Variants in PXDN observed in about 807,000 individuals in gnomAD.
PXDN encodes peroxidasin.
Under a neutral mutation model 140.3 loss-of-function variants are expected in PXDN, and 77 were observed. The observed-to-expected ratio is 0.55, with a 90% CI of 0.46 to 0.66. PXDN has a LOEUF of 0.66. PXDN is among the 30% of genes least tolerant of loss of function. PXDN has a pLI of 0.00. For synonymous variants in PXDN, 911 were observed against 857.4 expected (o/e 1.06, Z -1.09); for missense variants, 1,838 against 2,039.5 (o/e 0.90, Z 1.90).
chr2:1,731,178 AC>A (rs1166428046), intron 1 of PXDN, among the ~76,000 whole-genome samples: 50 of 151,882 alleles, frequency 3.3e-4, no homozygotes, highest in East Asian at 1.4e-3. Context: ...ACACACACAC[AC>A]ATGAACTAGT....
At chr2:1,636,010 A>C in intron 21 of PXDN, 2 of 248,002 alleles carry the variant, frequency 8.1e-6, no homozygotes, top group South Asian at 1.0e-4. Context: ...CCTTCCTCAA[A>C]CCCTCTCTTG....
chr2:1,729,707 G>C (rs1685269542), intron 1 of PXDN, among the ~76,000 whole-genome samples: 1 of 151,986 alleles, frequency 6.6e-6, no homozygotes, highest in Non-Finnish European at 1.5e-5. Flanking sequence ...AAAATCTACT[G>C]AAATTTTTTT....
intron 1 of PXDN, among the ~76,000 whole-genome samples, chr2:1,733,104 A>G (rs1038782062): frequency 6.6e-6 from 1 of 152,208 alleles, no homozygotes; most frequent in Non-Finnish European, 1.5e-5. Flanking sequence ...GCTGTGGCCT[A>G]ATACACGTAT....
In PXDN at chr2:1,666,483, C is replaced by T. The variant is rs375244290; in HGVS notation, c.1022G>A (p.Arg341Gln). Residue 341 changes from arginine to glutamine, a missense_variant, in exon 10 of 23, where the codon CGA (arginine) becomes CAA (glutamine). Transcript: ENST00000252804. ...CTGTGGCTGGATTACAAAAGTGGGT[C>T]GAGCTGTCACAATTAAACAGAAATT... ...VTLRYFGSPA[R>Q]PTFVIQPQNT... is the part of the protein sequence containing the mutation. 19 of 1,588,814 alleles carry T rather than the reference C, an allele frequency of 1.2e-5. No homozygotes were observed. Among genetic ancestry groups the T allele is most frequent in the Middle Eastern group, 1.7e-4 (1 of 5,894 alleles).
intron 7 of PXDN, 103 bp from the exon 8 acceptor site, chr2:1,677,147 T>C: frequency 9.7e-7 from 1 of 1,029,816 alleles, no homozygotes; most frequent in Non-Finnish European, 1.4e-6. Flanking sequence ...AAACCACAGA[T>C]GCCCAAAGGT....
Position 1,639,263 on chromosome 2 carries a change from G to A in PXDN, c.4073+39C>T. ...ACTGCCCGACGCCCGCGGTGCGAGGGCCCCTCTGCACATCATTTGACCTCA... is the reference window on the plus strand; with the variant it reads ...ACTGCCCGACGCCCGCGGTGCGAGGACCCCTCTGCACATCATTTGACCTCA... On this transcript the variant is annotated intron_variant, in intron 20 of 22. Transcript: ENST00000252804. The surrounding 1 kb of genome is among the most constrained non-coding windows in gnomAD (Gnocchi z 5.0). 1 of 1,593,342 alleles carries A rather than the reference G, an allele frequency of 6.3e-7. No homozygotes were observed. The highest frequency in any genetic ancestry group is 8.6e-7 in the Non-Finnish European group (1 of 1,169,580).
At position 1,687,300 on chromosome 2, in the gene PXDN, C is replaced by T. The variant is rs186858335; in HGVS notation, c.416+332G>A. On this transcript the variant is annotated intron_variant, in intron 4 of 22. Coordinates refer to ENST00000252804, the MANE Select transcript of PXDN (RefSeq NM_012293.3). The surrounding 1 kb of genome is among the most constrained non-coding windows in gnomAD (Gnocchi z 4.0). ...GAAGGATGCCTTGATCGGACTTGGGCGCCTGCCTGTCTCTCCTCTAAGTTG... is the reference window on the plus strand; with the variant it reads ...GAAGGATGCCTTGATCGGACTTGGGTGCCTGCCTGTCTCTCCTCTAAGTTG... Among the ~76,000 whole-genome samples, 121 of 152,300 alleles carry T rather than the reference C, an allele frequency of 7.9e-4. 3 individuals are homozygous for T. The East Asian group carries it at 0.02, about 25-fold the overall frequency.
intron 9 of PXDN, among the ~76,000 whole-genome samples, chr2:1,669,000 G>A (rs140566713): frequency 2.0e-5 from 3 of 152,168 alleles, no homozygotes; most frequent in Admixed American, 1.3e-4. Flanking sequence ...ACATGCACAC[G>A]TTATGTTTAT....
At chr2:1,676,756 C>A (rs2125437313) in intron 8 of PXDN, among the ~76,000 whole-genome samples, 171 bp downstream of exon 8, 1 of 152,364 alleles carries the variant, frequency 6.6e-6, no homozygotes, top group Admixed American at 6.5e-5. Flanking sequence ...TCGTCACACC[C>A]CCTGCCATGT....
At position 1,684,063 on chromosome 2, in the gene PXDN, A is replaced by C; in HGVS notation, c.488+17T>G. 6.4e-7 allele frequency: 1 copy of C among 1,566,800 alleles called. No individual in the cohort carries two copies. Among genetic ancestry groups the C allele is most frequent in the Non-Finnish European group, 8.7e-7 (1 of 1,153,864 alleles). ...GGGCTCTGTGAATGGAAAGGCAAGG[A>C]ACAACACACAACTCACAGCCTCTCG... On this transcript the variant is annotated intron_variant, in intron 5 of 22. Coordinates refer to ENST00000252804, the MANE Select transcript of PXDN (RefSeq NM_012293.3).
chr2:1,667,019 T>C lies in PXDN; in HGVS notation c.1019-533A>G, dbSNP rs141981502. Among the ~76,000 whole-genome samples, 417 of 152,282 alleles carry C rather than the reference T, an allele frequency of 2.7e-3. 6 individuals are homozygous for C. Among genetic ancestry groups the C allele is most frequent in the African/African-American group, 9.6e-3 (400 of 41,570 alleles). On this transcript the variant is annotated intron_variant, in intron 9 of 22. Transcript: ENST00000252804. The stretch of plus-strand genomic sequence containing the variant: ...TTTGTGTGGAAACAGAACTCTCCCA[T>C]GCTGGCAGTGGGAGCACACCCTGGC...
chr2:1,698,297 A>G (rs1027848438), intron 1 of PXDN, among the ~76,000 whole-genome samples: 1 of 152,194 alleles, frequency 6.6e-6, no homozygotes, highest in Admixed American at 6.5e-5. Flanking sequence ...CAAAGCATGG[A>G]TCTGAGGCAA....
intron 3 of PXDN, 112 bp downstream of exon 3, chr2:1,691,816 C>T: frequency 1.5e-6 from 1 of 677,416 alleles, no homozygotes; most frequent in Non-Finnish European, 2.4e-6. Flanking sequence ...AATAAAACCT[C>T]ATTTAAATGA....
In PXDN at chr2:1,644,641, G is replaced by T; in HGVS notation, c.3720C>A (p.Phe1240Leu). The T allele has an allele frequency of 6.2e-7, 1 of 1,607,370 alleles. No individual in the cohort carries two copies. The highest frequency in any genetic ancestry group is 1.1e-5 in the South Asian group (1 of 90,084). Reference sequence around the variant, plus strand: ...ACCTGTCCCCATCTCGCAGGCGCTTGAACTGTGTGCTGAGAAGACACATCA... The same window carrying T: ...ACCTGTCCCCATCTCGCAGGCGCTTTAACTGTGTGCTGAGAAGACACATCA... The part of the protein sequence containing the change: ...PTLMCLLSTQ[F>L]KRLRDGDRLW... Residue 1240 changes from phenylalanine (F) to leucine (L), a missense_variant, in exon 18 of 23, where the codon TTC (phenylalanine) becomes TTA (leucine). By Grantham distance (22) the Phe-to-Leu change is conservative. Transcript: ENST00000252804.
At position 1,667,515 on chromosome 2, in the gene PXDN, T is replaced by C. The variant is rs969118942; in HGVS notation, c.1019-1029A>G. ...TAGGAAGAGAGGAAGTCAAATTGTCTCTGTTTGCAGACGACATGATTGCAT... is the reference window on the plus strand; with the variant it reads ...TAGGAAGAGAGGAAGTCAAATTGTCCCTGTTTGCAGACGACATGATTGCAT... On this transcript the variant is annotated intron_variant, in intron 9 of 22. Coordinates refer to ENST00000252804, the MANE Select transcript of PXDN (RefSeq NM_012293.3). Among the ~76,000 whole-genome samples, 20 of 152,244 alleles carry C rather than the reference T, an allele frequency of 1.3e-4. 1 individual carries two copies. Among genetic ancestry groups the C allele is most frequent in the Admixed American group, 9.8e-4 (15 of 15,290 alleles).
rs894767245 is a variant in PXDN, at chr2:1,693,101, T to A, written c.234A>T (p.Gln78His). ...TCCTCAGCCGCCTGAATGCCCCAGG[T>A]TGGATCTCTCTGATTCTGTTAAAGC... ...DLRFNRIREI[Q>H]PGAFRRLRNL... The change falls in exon 2 of 23, where the codon CAA (glutamine) becomes CAT (histidine). Residue 78 changes from glutamine (Q) to histidine (H), a missense_variant. Gln to His is a conservative substitution (Grantham distance 24). Around this residue, in one of 5 missense-constraint regions of PXDN, gnomAD observed 231 missense variants for 201.5 expected, o/e 1.15. Transcript: ENST00000252804. 1.9e-6 allele frequency: 3 copies of A among 1,559,362 alleles called. No homozygotes were observed. Among genetic ancestry groups the A allele is most frequent in the African/African-American group, 2.7e-5 (2 of 73,692 alleles).
intron 1 of PXDN, among the ~76,000 whole-genome samples, chr2:1,704,972 T>C (rs1411257838): frequency 1.3e-5 from 2 of 152,104 alleles, no homozygotes. Context: ...TCCGTCAGTG[T>C]ATTCTGAGGA....
Position 1,679,513 on chromosome 2 carries a change from G to A in PXDN, c.730+680C>T, listed in dbSNP as rs926474768. Among the ~76,000 whole-genome samples the A allele has an allele frequency of 3.4e-5, 5 of 149,026 alleles. No individual in the cohort carries two copies. The East Asian group carries it at 6.1e-4, about 18-fold the overall frequency. ...GTAAATGGTGTGTGTGTGTATGTGC[G>A]TGTGTGTGGTTTGTGTCTGCATGTG... On this transcript the variant is annotated intron_variant, in intron 7 of 22. Transcript: ENST00000252804.
At chr2:1,654,007 A>G (rs992348677) in intron 15 of PXDN, 1 of 560,028 alleles carries the variant, frequency 1.8e-6, no homozygotes, top group Non-Finnish European at 3.0e-6. Context: ...AATTAAGTCA[A>G]TAGAGAAAAT....
Sources: gnomAD v4.1 joint callset for allele counts (sites outside exome capture counted in the v4.1 genomes callset) on GRCh38, gnomAD v4.1.1 for gene constraint, gnomAD v4.1.1 regional missense constraint, Gnocchi (gnomAD v3.1) non-coding constraint, MANE v1.5 for transcripts, NCBI Gene and HGNC (gene_info 2026-07-23, HGNC 2026-07-21) for gene names.